The following DARS2 variants were observed in gnomAD, a reference collection of about 807,000 sequenced individuals.
DARS2 encodes aspartyl-tRNA synthetase 2, mitochondrial.
A neutral mutation model predicts 83.0 loss-of-function variants in DARS2; 63 were observed. That is an observed-to-expected ratio of 0.76 (90% CI 0.62 to 0.94). The LOEUF is 0.94. Among genes scored for constraint, DARS2 ranks in the 40% least tolerant of loss-of-function variants. The probability of loss-of-function intolerance (pLI) is 0.00; values close to 1 mark genes in which losing one functional copy is unlikely to be tolerated. For synonymous variants in DARS2, 250 were observed against 269.3 expected, an observed-to-expected ratio of 0.93 and a Z score of 0.70; for missense variants, 675 against 774.4, an observed-to-expected ratio of 0.87 and a Z score of 1.52.
chr1:173,830,854 G>A, intron 4 of DARS2, 93 bp downstream of exon 4: 1 of 923,032 alleles, frequency 1.1e-6, no homozygotes, highest in Non-Finnish European at 1.8e-6. Context: ...TGGACATTAG[G>A]CACTAAAGTT....
Position 173,828,417 on chromosome 1 carries a change from GTTA to G in DARS2, c.294+23_294+25del. 1 of 1,607,206 alleles carries G rather than the reference GTTA, an allele frequency of 6.2e-7. No individual in the cohort carries two copies. The highest frequency in any genetic ancestry group is 8.5e-7 in the Non-Finnish European group (1 of 1,174,496). On this transcript the variant is annotated intron_variant, in intron 3 of 16. Coordinates refer to ENST00000649689, the MANE Select transcript of DARS2 (RefSeq NM_018122.5). The stretch of plus-strand genomic sequence containing the variant: ...AGGATGAGGTAATAGAAAATTTCCT[GTTA>G]TTATCTAAAAGCTTCTTTGATGCTA...
In DARS2 at chr1:173,825,200, G is replaced by T; in HGVS notation, c.-30G>T. 6.2e-7 allele frequency: 1 copy of T among 1,607,440 alleles called. No homozygotes were observed. ...AACTACCGGCAGCGTGGGATTTCGTGATTGTTTTTCGCCATCGTGTGGCTC... is the reference window on the plus strand; with the variant it reads ...AACTACCGGCAGCGTGGGATTTCGTTATTGTTTTTCGCCATCGTGTGGCTC... On this transcript the variant is annotated 5_prime_UTR_variant, in exon 1 of 17. Coordinates refer to ENST00000649689, the MANE Select transcript of DARS2 (RefSeq NM_018122.5).
intron 9 of DARS2, among the ~76,000 whole-genome samples, chr1:173,838,970 C>T (rs575529663): frequency 1.3e-5 from 2 of 152,208 alleles, no homozygotes; most frequent in East Asian, 1.9e-4. Context: ...CTCCTGACCT[C>T]GTGATCCACC....
chr1:173,847,642 A>G (rs1653484906), intron 12 of DARS2, among the ~76,000 whole-genome samples: 1 of 152,136 alleles, frequency 6.6e-6, no homozygotes, highest in Non-Finnish European at 1.5e-5. Context: ...ATGAAATGCA[A>G]TAATCATTTG....
Position 173,857,809 on chromosome 1 carries a change from T to C in DARS2, c.*104T>C. 1 of 1,215,690 alleles carries C rather than the reference T, an allele frequency of 8.2e-7. No individual in the cohort carries two copies. Among genetic ancestry groups the C allele is most frequent in the South Asian group, 1.3e-5 (1 of 79,400 alleles). The allele number at this position is 1,215,690 out of a possible 1,614,324, so 75.3% of individuals were successfully genotyped here. On this transcript the variant is annotated 3_prime_UTR_variant, in exon 17 of 17. Coordinates refer to ENST00000649689, the MANE Select transcript of DARS2 (RefSeq NM_018122.5). The stretch of plus-strand genomic sequence containing the variant: ...TTCTGCCACAGGTCTAACAATCAAG[T>C]CTTTAGATGGAAGGAATCCAGGCAA...
chr1:173,853,296 T>C, intron 13 of DARS2, 53 bp from the exon 14 acceptor site: 4 of 1,571,926 alleles, frequency 2.5e-6, no homozygotes, highest in Non-Finnish European at 3.5e-6. Flanking sequence ...CTGTGTCATT[T>C]CCTGCCTGCT....
intron 3 of DARS2, among the ~76,000 whole-genome samples, chr1:173,829,320 C>T (rs1028640372): frequency 2.0e-5 from 3 of 151,754 alleles, no homozygotes; most frequent in Admixed American, 6.6e-5. Context: ...GAACTGAGGG[C>T]GTTGAAAACA....
intron 9 of DARS2, 26 bp from the exon 10 acceptor site, chr1:173,839,341 G>C: frequency 1.2e-6 from 2 of 1,611,286 alleles, no homozygotes; most frequent in Non-Finnish European, 1.7e-6. Flanking sequence ...GGCTAAATTA[G>C]TTTCCATATG....
At position 173,853,379 on chromosome 1, in the gene DARS2, T is replaced by C; in HGVS notation, c.1375T>C (p.Cys459Arg). The part of the protein sequence containing the change: ...CSLLGKLRLE[C>R]ADLLETRGVV... ...TTTGTTAGGAAAATTACGACTGGAA[T>C]GTGCTGACCTTCTAGAAACAAGAGG... Residue 459 changes from cysteine (C) to arginine (R), a missense_variant, in exon 14 of 17, where the codon TGT becomes CGT. By Grantham distance (180) the Cys-to-Arg change is radical (BLOSUM62 -3). Transcript: ENST00000649689. 1.1e-5 allele frequency: 17 copies of C among 1,614,020 alleles called. No homozygotes were observed. Among genetic ancestry groups the C allele is most frequent in the Non-Finnish European group, 1.4e-5 (17 of 1,180,030 alleles).
chr1:173,833,037 C>A (rs908081561), intron 5 of DARS2, among the ~76,000 whole-genome samples: 3 of 152,140 alleles, frequency 2.0e-5, no homozygotes, highest in African/African-American at 7.2e-5. Context: ...TGCCCAGATA[C>A]AGCATAATGG....
At chr1:173,836,524 C>T (rs1653012527) in intron 7 of DARS2, among the ~76,000 whole-genome samples, 1 of 142,658 alleles carries the variant, frequency 7.0e-6, no homozygotes, top group African/African-American at 2.6e-5. Flanking sequence ...GCCTGGGTGA[C>T]AAGAGCAAGA....
intron 12 of DARS2, among the ~76,000 whole-genome samples, chr1:173,845,829 CTGGCCAATA>C (rs1368795212): frequency 6.6e-6 from 1 of 152,100 alleles, no homozygotes; most frequent in African/African-American, 2.4e-5. Context: ...TGAGACCAAT[CTGGCCAATA>C]TGGCGAAACC....
chr1:173,845,990 T>G (rs1653419926), intron 12 of DARS2, among the ~76,000 whole-genome samples: 1 of 152,020 alleles, frequency 6.6e-6, no homozygotes, highest in Non-Finnish European at 1.5e-5. Context: ...ACCCCGTCTC[T>G]ACTAAAAATA....
In DARS2 at chr1:173,834,780, TTG is replaced by T. The variant is rs1426769799; in HGVS notation, c.663+263_663+264del. On this transcript the variant is annotated intron_variant, in intron 7 of 16. Transcript: ENST00000649689. ...TTTGGTTTGTTTTGGGTTTTTTTTTTTGTTTTTTTTTTTTTTTTGAGACAGTC... is the reference window on the plus strand; with the variant it reads ...TTTGGTTTGTTTTGGGTTTTTTTTTTTTTTTTTTTTTTTTTTGAGACAGTC... Among the ~76,000 whole-genome samples, 32 of 101,448 alleles carry T rather than the reference TTG, an allele frequency of 3.2e-4. 1 individual carries two copies. The highest frequency in any genetic ancestry group is 1.1e-3 in the African/African-American group (24 of 21,378). 66.6% of individuals were successfully genotyped at this position (101,448 alleles called of 152,430 possible).
chr1:173,832,781 A>G (rs1212430186), intron 5 of DARS2, among the ~76,000 whole-genome samples: 1 of 150,836 alleles, frequency 6.6e-6, no homozygotes, highest in East Asian at 1.9e-4. Flanking sequence ...AAAAAAAAAA[A>G]AAAAAGAGAG....
chr1:173,839,347 A>G lies in DARS2; in HGVS notation c.841-20A>G, dbSNP rs763411435. ...ATATATTGTGGCTAAATTAGTTTCCATATGGTACTTTGGTTTCAGATTGAC... is the reference window on the plus strand; with the variant it reads ...ATATATTGTGGCTAAATTAGTTTCCGTATGGTACTTTGGTTTCAGATTGAC... On this transcript the variant is annotated intron_variant, in intron 9 of 16. Coordinates refer to ENST00000649689, the MANE Select transcript of DARS2 (RefSeq NM_018122.5). 6.2e-7 allele frequency: 1 copy of G among 1,613,080 alleles called. No individual in the cohort carries two copies. The highest frequency in any genetic ancestry group is 2.2e-5 in the East Asian group (1 of 44,868).
At chr1:173,840,780 C>A (rs1212973724) in intron 10 of DARS2, 86 bp from the exon 11 acceptor site, 9 of 779,714 alleles carry the variant, frequency 1.2e-5, no homozygotes, top group Non-Finnish European at 1.8e-5. Flanking sequence ...AAGATCTATT[C>A]TCTTCTTTAA....
chr1:173,850,400 A>G lies in DARS2; in HGVS notation c.1265A>G (p.Gln422Arg), dbSNP rs746792915. 6.2e-7 allele frequency: 1 copy of G among 1,613,944 alleles called. No individual in the cohort carries two copies. The highest frequency in any genetic ancestry group is 1.7e-5 in the Admixed American group (1 of 60,012). ...SPVANFIMESQRLELIRLMET... is the reference protein window; with the variant it reads ...SPVANFIMESRRLELIRLMET... The stretch of plus-strand genomic sequence containing the variant: ...GTTGCTAATTTCATAATGGAGTCAC[A>G]AAGACTGGAATTAATCAGACTAATG... The change falls in exon 13 of 17, where the codon CAA becomes CGA. Residue 422 changes from glutamine (Q) to arginine (R), a missense_variant. Physicochemically the swap from Gln to Arg is conservative, Grantham distance 43. Coordinates refer to ENST00000649689, the MANE Select transcript of DARS2 (RefSeq NM_018122.5).
chr1:173,836,954 TTTA>T lies in DARS2; in HGVS notation c.679_681del (p.Leu227del). The T allele has an allele frequency of 6.2e-7, 1 of 1,614,016 alleles. No individual in the cohort carries two copies. The highest frequency in any genetic ancestry group is 2.2e-5 in the East Asian group (1 of 44,840). On this transcript the variant is annotated inframe_deletion, in exon 8 of 17. Transcript: ENST00000649689. Reference sequence around the variant, plus strand: ...CTCTTTGAAAGGGTGCCAAAGAGTTTTTAGTACCATCCAGGGAACCTGGAAAGT... The same window carrying T: ...CTCTTTGAAAGGGTGCCAAAGAGTTTGTACCATCCAGGGAACCTGGAAAGT...
Sources: gnomAD v4.1 joint callset for allele counts (sites outside exome capture counted in the v4.1 genomes callset) on GRCh38, gnomAD v4.1.1 for gene constraint, MANE v1.5 for transcripts, NCBI Gene and HGNC (gene_info 2026-07-23, HGNC 2026-07-21) for gene names.